CDH18: variants seen among roughly 807,000 people sequenced by gnomAD.
The protein encoded by CDH18 is cadherin 18, also known as cadherin-18.
A neutral mutation model predicts 67.9 loss-of-function variants in CDH18; 31 were observed. That is an observed-to-expected ratio of 0.46 (90% CI 0.34 to 0.62). The LOEUF (loss-of-function observed/expected upper bound fraction) is 0.62. Among genes scored for constraint, CDH18 ranks in the 20% least tolerant of loss-of-function variants. CDH18 has a pLI of 0.01. For missense variants in CDH18, 890 were observed against 975.5 expected, an observed-to-expected ratio of 0.91 and a Z score of 1.17; for synonymous variants, 362 against 347.2, an observed-to-expected ratio of 1.04 and a Z score of -0.48.
intron 1 of CDH18, among the ~76,000 whole-genome samples, chr5:20,408,521 A>G (rs1173529971): frequency 6.6e-6 from 1 of 151,974 alleles, no homozygotes; most frequent in East Asian, 1.9e-4. Context: ...TAGTGCAAAT[A>G]GACTGTTATT....
At chr5:19,514,421 A>T (rs1745620405) in intron 10 of CDH18, among the ~76,000 whole-genome samples, 1 of 152,214 alleles carries the variant, frequency 6.6e-6, no homozygotes, top group Admixed American at 6.5e-5. Context: ...GAATCTCCAC[A>T]CCGTCTTCCA....
chr5:20,493,781 G>A (rs1006774431), intron 1 of CDH18, among the ~76,000 whole-genome samples: 4 of 152,084 alleles, frequency 2.6e-5, no homozygotes, highest in African/African-American at 9.7e-5. Context: ...AGAGTTGATG[G>A]TTTGGTTTGC....
In CDH18 at chr5:20,216,115, T is replaced by C. The variant is rs1561884341; in HGVS notation, c.-518+39329A>G. ...TATAACAAGCTTGCATATGTACCCC[T>C]GAATTTAAAATAAAAGTTAAAAAAT... is the stretch of plus-strand genomic sequence containing the variant. On this transcript the variant is annotated intron_variant, in intron 2 of 14. Coordinates refer to the CDH18 transcript ENST00000507958. 1.3e-5 allele frequency among the ~76,000 whole-genome samples: 2 copies of C among 151,876 alleles called. 1 individual carries two copies. Among genetic ancestry groups the C allele is most frequent in the South Asian group, 4.1e-4 (2 of 4,830 alleles).
intron 1 of CDH18, among the ~76,000 whole-genome samples, chr5:20,486,254 G>A (rs1753169560): frequency 3.3e-5 from 5 of 152,012 alleles, no homozygotes; most frequent in Admixed American, 2.0e-4. Flanking sequence ...AAGAGTAAGC[G>A]ATATCTAAGA....
At chr5:20,450,613 T>C (rs1056380932) in intron 1 of CDH18, among the ~76,000 whole-genome samples, 2 of 152,070 alleles carry the variant, frequency 1.3e-5, no homozygotes, top group African/African-American at 2.4e-5. Context: ...ACTGAAGCAA[T>C]TGCTAATATT....
chr5:20,382,107 T>C (rs1305184616), intron 1 of CDH18, among the ~76,000 whole-genome samples: 1 of 152,108 alleles, frequency 6.6e-6, no homozygotes, highest in Non-Finnish European at 1.5e-5. Flanking sequence ...GAGAAAATAT[T>C]GAACATGAAA....
At chr5:20,173,588 C>T (rs954780302) in intron 2 of CDH18, among the ~76,000 whole-genome samples, 4 of 151,998 alleles carry the variant, frequency 2.6e-5, no homozygotes, top group Non-Finnish European at 5.9e-5. Context: ...GCAGGTGGTT[C>T]GCAGTCAGAT....
chr5:19,540,803 A>AT (rs1268204361), intron 9 of CDH18, among the ~76,000 whole-genome samples: 4 of 151,606 alleles, frequency 2.6e-5, no homozygotes, highest in African/African-American at 9.7e-5. Flanking sequence ...CCACACAACA[A>AT]TTTTTCCCTC....
chr5:20,281,269 T>G (rs1490583881), intron 1 of CDH18, among the ~76,000 whole-genome samples: 4 of 152,220 alleles, frequency 2.6e-5, no homozygotes, highest in African/African-American at 7.2e-5. Context: ...GTTTTAGACA[T>G]GAAGTCCTTG....
At chr5:19,935,233 A>T (rs886237294) in intron 2 of CDH18, among the ~76,000 whole-genome samples, 19 of 151,292 alleles carry the variant, frequency 1.3e-4, no homozygotes, top group African/African-American at 4.6e-4. Context: ...ACTTGTCCCA[A>T]CTTGGAAAGA....
chr5:20,318,060 C>G (rs1737637171), intron 1 of CDH18, among the ~76,000 whole-genome samples: 1 of 152,054 alleles, frequency 6.6e-6, no homozygotes. Context: ...ACTTGTACAA[C>G]TTTATTGAGC....
At chr5:20,556,759 G>GAA (rs1757929772) in intron 1 of CDH18, among the ~76,000 whole-genome samples, 1 of 152,036 alleles carries the variant, frequency 6.6e-6, no homozygotes, top group Non-Finnish European at 1.5e-5. Flanking sequence ...TTAAGTTAAT[G>GAA]GTTTTTGAAG....
intron 3 of CDH18, among the ~76,000 whole-genome samples, chr5:19,809,801 C>G (rs1778448526): frequency 6.6e-6 from 1 of 152,044 alleles, no homozygotes; most frequent in African/African-American, 2.4e-5. Context: ...GAATATTTCT[C>G]AAGTTAAAGT....
intron 1 of CDH18, among the ~76,000 whole-genome samples, chr5:20,562,325 G>T (rs747208546): frequency 1.1e-4 from 17 of 151,718 alleles, no homozygotes; most frequent in African/African-American, 4.1e-4. Context: ...AGGAATACAG[G>T]ATATTATTGT....
intron 2 of CDH18, among the ~76,000 whole-genome samples, chr5:20,133,981 T>C (rs1749487694): frequency 6.6e-6 from 1 of 152,190 alleles, no homozygotes; most frequent in Non-Finnish European, 1.5e-5. Context: ...TCTTGGATTT[T>C]CTTTAATTTT....
chr5:20,367,683 A>T (rs1007320155), intron 1 of CDH18, among the ~76,000 whole-genome samples: 1 of 152,254 alleles, frequency 6.6e-6, no homozygotes, highest in African/African-American at 2.4e-5. Flanking sequence ...AAAGGGAAGT[A>T]AAAACAAGAA....
intron 1 of CDH18, among the ~76,000 whole-genome samples, chr5:20,258,646 T>C (rs942384913): frequency 6.6e-6 from 1 of 152,172 alleles, no homozygotes; most frequent in Non-Finnish European, 1.5e-5. Flanking sequence ...TTTATTTGTA[T>C]TTAATTTTAA....
chr5:20,404,558 G>A (rs1176812644), intron 1 of CDH18, among the ~76,000 whole-genome samples: 1 of 151,984 alleles, frequency 6.6e-6, no homozygotes, highest in Admixed American at 6.6e-5. Flanking sequence ...GAGAGATAGG[G>A]GAATGGCTGG....
intron 2 of CDH18, among the ~76,000 whole-genome samples, chr5:20,131,067 AT>A (rs1222690205): frequency 6.6e-6 from 1 of 152,056 alleles, no homozygotes; most frequent in African/African-American, 2.4e-5. Context: ...CATTTAAAAA[AT>A]TTTTTACCTT....
Sources: allele counts gnomAD v4.1 joint callset (sites outside exome capture counted in the v4.1 genomes callset), GRCh38; gene constraint gnomAD v4.1.1; transcripts MANE v1.5; gene names NCBI Gene and HGNC (gene_info 2026-07-23, HGNC 2026-07-21).